The following GRM7 variants were observed in gnomAD, a reference collection of about 807,000 sequenced individuals.
The protein encoded by GRM7 is metabotropic glutamate receptor 7.
In GRM7, 35 loss-of-function variants were observed where a neutral mutation model predicts 84.5. The ratio of observed to expected loss-of-function variants is 0.41; its 90% confidence interval spans 0.32 to 0.55. The LOEUF (loss-of-function observed/expected upper bound fraction) is 0.55. Ranked by LOEUF, GRM7 falls within the 20% of genes least tolerant of loss-of-function variation. The pLI is 0.19. For synonymous variants in GRM7, 487 were observed against 455.1 expected, an observed-to-expected ratio of 1.07 and a Z score of -0.89; for missense variants, 1,003 against 1,194.6, an observed-to-expected ratio of 0.84 and a Z score of 2.36.
At chr3:7,217,115 T>C (rs1331492350) in intron 2 of GRM7, among the ~76,000 whole-genome samples, 2 of 152,170 alleles carry the variant, frequency 1.3e-5, no homozygotes, top group African/African-American at 4.8e-5. Flanking sequence ...AAAGACAAAA[T>C]GCCTTTTTTA....
intron 1 of GRM7, among the ~76,000 whole-genome samples, chr3:6,933,577 T>C (rs1697583397): frequency 6.6e-6 from 1 of 152,114 alleles, no homozygotes; most frequent in African/African-American, 2.4e-5. Context: ...TTGTTTAAGA[T>C]AAAACTAAAA....
intron 8 of GRM7, among the ~76,000 whole-genome samples, chr3:7,630,741 C>T (rs2125095998): frequency 6.6e-6 from 1 of 152,300 alleles, no homozygotes; most frequent in African/African-American, 2.4e-5. Flanking sequence ...ATGTGACACA[C>T]TTCCCTAGAT....
chr3:7,454,088 A>ACTCTCTCTCTCT (rs1284686500), intron 6 of GRM7, among the ~76,000 whole-genome samples: 68 of 111,722 alleles, frequency 6.1e-4, no homozygotes, highest in Non-Finnish European at 9.9e-4. Context: ...AGCTACACAC[A>ACTCTCTCTCTCT]CACTCTCTCT....
chr3:7,467,860 G>GA lies in GRM7; in HGVS notation c.1515+6147dup, dbSNP rs563943547. Among the ~76,000 whole-genome samples the GA allele has an allele frequency of 6.3e-3, 944 of 150,830 alleles. 7 individuals are homozygous for GA. The highest frequency in any genetic ancestry group is 0.02 in the African/African-American group (815 of 41,192). On this transcript the variant is annotated intron_variant, in intron 7 of 9. Transcript: ENST00000357716. ...GTTTTAGTGTGCCCAGGATGGAAAA[G>GA]AAAAAAAAATCAGCCATCCATTATT... is the stretch of plus-strand genomic sequence containing the variant.
At chr3:7,422,363 G>T (rs1275000252) in intron 5 of GRM7, among the ~76,000 whole-genome samples, 1 of 152,138 alleles carries the variant, frequency 6.6e-6, no homozygotes, top group Non-Finnish European at 1.5e-5. Context: ...TTTATTTTCT[G>T]ACTACTGAGC....
intron 1 of GRM7, among the ~76,000 whole-genome samples, chr3:7,068,054 T>C (rs991163070): frequency 1.4e-4 from 21 of 152,124 alleles, no homozygotes; most frequent in East Asian, 1.2e-3. Context: ...ATTCTTCGTG[T>C]ATAAAGATAT....
intron 8 of GRM7, among the ~76,000 whole-genome samples, chr3:7,641,150 A>G (rs151021807): frequency 6.6e-6 from 1 of 152,242 alleles, no homozygotes; most frequent in Non-Finnish European, 1.5e-5. Flanking sequence ...AGTAAACTCA[A>G]TTTCTTCCTA....
intron 8 of GRM7, among the ~76,000 whole-genome samples, chr3:7,649,074 CTTT>C (rs1229655377): frequency 6.8e-6 from 1 of 146,104 alleles, no homozygotes. Context: ...TTCAGATTTT[CTTT>C]TTTTTTTTTT....
chr3:7,213,372 A>G (rs529205276), intron 2 of GRM7, among the ~76,000 whole-genome samples: 57 of 152,332 alleles, frequency 3.7e-4, no homozygotes, highest in African/African-American at 1.2e-3. Flanking sequence ...ATTATTGAGT[A>G]GCAAATCATA....
chr3:7,182,873 G>A lies in GRM7; in HGVS notation c.736+36205G>A, dbSNP rs144980846. Among the ~76,000 whole-genome samples, 11 of 144,930 alleles carry A rather than the reference G, an allele frequency of 7.6e-5. No individual in the cohort carries two copies. The East Asian group carries it at 2.0e-3, about 26-fold the overall frequency. On this transcript the variant is annotated intron_variant, in intron 2 of 9. Coordinates refer to ENST00000357716, the MANE Select transcript of GRM7 (RefSeq NM_000844.4). Reference sequence around the variant, plus strand: ...GATTTTCTTGTGACCTTGTGTGCTAGGTTTTAGGCGTAACGTGAAAGTGTT... The same window carrying A: ...GATTTTCTTGTGACCTTGTGTGCTAAGTTTTAGGCGTAACGTGAAAGTGTT...
intron 4 of GRM7, among the ~76,000 whole-genome samples, chr3:7,352,646 C>G (rs12491620): frequency 0.15 from 22,852 of 152,090 alleles, 1,826 homozygotes; most frequent in East Asian, 0.29. Context: ...AGAATGGACT[C>G]TTGCAAGAGA....
At chr3:7,731,405 G>A (rs1260563121) in intron 9 of GRM7, among the ~76,000 whole-genome samples, 2 of 152,194 alleles carry the variant, frequency 1.3e-5, no homozygotes, top group Non-Finnish European at 2.9e-5. Context: ...ACTTCAGAGA[G>A]CAAAGTGAAA....
At chr3:7,262,920 A>G (rs1156293136) in intron 2 of GRM7, among the ~76,000 whole-genome samples, 1 of 101,994 alleles carries the variant, frequency 9.8e-6, no homozygotes, top group East Asian at 3.1e-4. Context: ...CTGGTCTTGA[A>G]CTCCTGCCTA....
At chr3:6,864,022 G>T (rs1159870755) in intron 1 of GRM7, among the ~76,000 whole-genome samples, 3 of 152,224 alleles carry the variant, frequency 2.0e-5, no homozygotes, top group Non-Finnish European at 4.4e-5. Context: ...AGGGGTGGGG[G>T]GCTGGCCTGA....
intron 6 of GRM7, among the ~76,000 whole-genome samples, chr3:7,453,898 T>A (rs1661570744): frequency 1.3e-5 from 2 of 152,088 alleles, no homozygotes; most frequent in Admixed American, 1.3e-4. Flanking sequence ...GCAGGACCCT[T>A]CTAAAATGAC....
intron 1 of GRM7, among the ~76,000 whole-genome samples, chr3:6,893,548 C>G (rs542282135): frequency 6.6e-6 from 1 of 152,216 alleles, no homozygotes; most frequent in South Asian, 2.1e-4. Flanking sequence ...TGCCCACCAT[C>G]TTGTAAGTAT....
At chr3:7,162,729 ATTTTTTTTTTTTT>A (rs71063284) in intron 2 of GRM7, among the ~76,000 whole-genome samples, 29 of 54,692 alleles carry the variant, frequency 5.3e-4, no homozygotes, top group African/African-American at 1.4e-3. Flanking sequence ...CCCATTTTTC[ATTTTTTTTTTTTT>A]TTTTTTTTTT....
intron 2 of GRM7, among the ~76,000 whole-genome samples, chr3:7,218,882 G>A (rs1696702777): frequency 6.6e-6 from 1 of 151,784 alleles, no homozygotes; most frequent in Admixed American, 6.6e-5. Context: ...AATAGCTTTT[G>A]GGGTACAAGT....
chr3:7,482,990 C>G (rs1669390530), intron 7 of GRM7, among the ~76,000 whole-genome samples: 1 of 152,150 alleles, frequency 6.6e-6, no homozygotes, highest in Admixed American at 6.6e-5. Flanking sequence ...GTTCAATACT[C>G]CTAACAATTT....
Sources: gnomAD v4.1 joint callset for allele counts (sites outside exome capture counted in the v4.1 genomes callset) on GRCh38, gnomAD v4.1.1 for gene constraint, MANE v1.5 for transcripts, NCBI Gene and HGNC (gene_info 2026-07-23, HGNC 2026-07-21) for gene names.